The following CPPED1 variants were observed in gnomAD, a reference collection of about 807,000 sequenced individuals.
CPPED1 encodes the protein calcineurin like phosphoesterase domain containing 1.
A neutral mutation model predicts 28.0 loss-of-function variants in CPPED1; 28 were observed. The observed-to-expected ratio is 1.00, with a 90% CI of 0.74 to 1.37. The LOEUF (loss-of-function observed/expected upper bound fraction) is 1.37, where lower values mean the gene tolerates loss of function less well. Among genes scored for constraint, CPPED1 ranks in the 40% most tolerant of loss-of-function variants. The probability of loss-of-function intolerance (pLI) is 0.00; values close to 1 mark genes in which losing one functional copy is unlikely to be tolerated. For synonymous variants in CPPED1, 198 were observed against 180.2 expected (o/e 1.10, Z -0.79); for missense variants, 504 against 416.5 (o/e 1.21, Z -1.83).
chr16:12,720,906 T>C (rs1352477093), intron 2 of CPPED1, among the ~76,000 whole-genome samples: 5 of 152,194 alleles, frequency 3.3e-5, no homozygotes, highest in African/African-American at 1.2e-4. Flanking sequence ...TAAACTGTTT[T>C]GGCATGGGGG....
intron 3 of CPPED1, among the ~76,000 whole-genome samples, chr16:12,680,753 T>C (rs1431261377): frequency 1.3e-5 from 2 of 152,140 alleles, no homozygotes; most frequent in African/African-American, 4.8e-5. Context: ...GGGTGGGCTG[T>C]AGGGGCAATA....
intron 1 of CPPED1, among the ~76,000 whole-genome samples, chr16:12,792,100 C>T (rs371820155): frequency 3.3e-5 from 5 of 152,086 alleles, no homozygotes; most frequent in South Asian, 2.1e-4. Context: ...TACAGGAGTG[C>T]GCCACCACAC....
intron 3 of CPPED1, among the ~76,000 whole-genome samples, chr16:12,693,352 C>G (rs963457419): frequency 3.9e-4 from 59 of 152,120 alleles, no homozygotes; most frequent in African/African-American, 1.4e-3. Context: ...CACCACAATG[C>G]CTGGACTCAT....
intron 3 of CPPED1, among the ~76,000 whole-genome samples, chr16:12,690,138 G>A (rs917407271): frequency 6.6e-6 from 1 of 152,064 alleles, no homozygotes; most frequent in Non-Finnish European, 1.5e-5. Flanking sequence ...TAGATAATGA[G>A]CCCACCTGGG....
At chr16:12,749,909 T>C (rs908547026) in intron 2 of CPPED1, among the ~76,000 whole-genome samples, 1 of 152,152 alleles carries the variant, frequency 6.6e-6, no homozygotes, top group East Asian at 1.9e-4. Context: ...ATGTTCTTAA[T>C]GGCATCTAGA....
At chr16:12,705,230 G>A (rs28737289) in intron 2 of CPPED1, among the ~76,000 whole-genome samples, 181 bp from the exon 3 acceptor site, 1,922 of 152,316 alleles carry the variant, frequency 0.013, 48 homozygotes, top group African/African-American at 0.043. Context: ...TCCGACGGGG[G>A]CCTCTGCCCA....
chr16:12,696,729 C>T lies in CPPED1; in HGVS notation c.715+7895G>A, dbSNP rs555407807. ...AAGTGCTGGGATTACAGGTGTGAGC[C>T]GCTGCGCCTGGCCTGACTTGTCTTT... On this transcript the variant is annotated intron_variant, in intron 3 of 3. Transcript: ENST00000381774. 5.6e-4 allele frequency among the ~76,000 whole-genome samples: 85 copies of T among 152,086 alleles called. 1 individual carries two copies. The highest frequency in any genetic ancestry group is 8.7e-4 in the Non-Finnish European group (59 of 67,974).
rs1379700590 is a variant in CPPED1, at chr16:12,664,881, G to T, written c.*5C>A. 5.0e-6 allele frequency: 8 copies of T among 1,608,010 alleles called. No individual in the cohort carries two copies. Among genetic ancestry groups the T allele is most frequent in the Non-Finnish European group, 6.8e-6 (8 of 1,177,972 alleles). On this transcript the variant is annotated 3_prime_UTR_variant, in exon 4 of 4. Transcript: ENST00000381774. This position sits in a 1 kb window ranked among gnomAD's most constrained non-coding sequence, Gnocchi z 4.2. ...GTGAAAAGTGAACGGGAACGGGAAG[G>T]AGCGTCATTTTTTCTTGATCAAATC... is the stretch of plus-strand genomic sequence containing the variant.
intron 2 of CPPED1, among the ~76,000 whole-genome samples, chr16:12,725,922 T>C (rs1202171524): frequency 6.6e-6 from 1 of 152,196 alleles, no homozygotes; most frequent in East Asian, 1.9e-4. Flanking sequence ...TCAGCTACAG[T>C]GGCTCATGCC....
chr16:12,752,853 C>G (rs1245966180), intron 2 of CPPED1: 2 of 147,734 alleles, frequency 1.4e-5, no homozygotes, highest in Non-Finnish European at 3.0e-5. Flanking sequence ...GTATTATATA[C>G]TAGCTGTACT....
chr16:12,683,707 C>A (rs993695787), intron 3 of CPPED1, among the ~76,000 whole-genome samples: 1 of 152,120 alleles, frequency 6.6e-6, no homozygotes, highest in African/African-American at 2.4e-5. Context: ...ACACGCTTAC[C>A]CCCATCTCCT....
intron 2 of CPPED1, among the ~76,000 whole-genome samples, chr16:12,763,163 C>T (rs535634293): frequency 6.7e-6 from 1 of 149,984 alleles, no homozygotes; most frequent in Non-Finnish European, 1.5e-5. Flanking sequence ...ACCTGGGAGG[C>T]GGAGGGTGCA....
chr16:12,679,170 G>C (rs533395269), intron 3 of CPPED1, among the ~76,000 whole-genome samples: 1 of 152,182 alleles, frequency 6.6e-6, no homozygotes, highest in African/African-American at 2.4e-5. Flanking sequence ...CAGAACTTCT[G>C]AGTAACTGCT....
chr16:12,801,404 T>C (rs368290305), intron 1 of CPPED1, among the ~76,000 whole-genome samples: 3 of 151,890 alleles, frequency 2.0e-5, no homozygotes, highest in East Asian at 1.9e-4. Flanking sequence ...TCAACAAATA[T>C]ATAGGCGTGA....
At chr16:12,685,540 C>T (rs774379580) in intron 3 of CPPED1, among the ~76,000 whole-genome samples, 31 of 152,088 alleles carry the variant, frequency 2.0e-4, no homozygotes, top group Admixed American at 4.6e-4. Context: ...GCGTTTAAAC[C>T]CCTGGCACAC....
intron 2 of CPPED1, among the ~76,000 whole-genome samples, chr16:12,742,118 T>G (rs1040265199): frequency 2.0e-5 from 3 of 152,100 alleles, no homozygotes; most frequent in Middle Eastern, 6.3e-3. Context: ...AATAGATATA[T>G]TCTTACAAAT....
chr16:12,696,335 T>C (rs762471329), intron 3 of CPPED1, among the ~76,000 whole-genome samples: 3 of 152,072 alleles, frequency 2.0e-5, no homozygotes, highest in Non-Finnish European at 4.4e-5. Flanking sequence ...ATAAAGCACA[T>C]TTGCCTGCTG....
intron 3 of CPPED1, among the ~76,000 whole-genome samples, chr16:12,672,020 T>C (rs1396508267): frequency 1.3e-5 from 2 of 152,226 alleles, no homozygotes; most frequent in African/African-American, 2.4e-5. Context: ...CAGTATCCAG[T>C]ACAGTACCAT....
chr16:12,725,168 ACTGC>A (rs1473558564), intron 2 of CPPED1, among the ~76,000 whole-genome samples: 3 of 152,060 alleles, frequency 2.0e-5, no homozygotes, highest in South Asian at 2.1e-4. Flanking sequence ...ATCTCAGCTC[ACTGC>A]AGCATCTGCC....
Sources: gnomAD v4.1 joint callset for allele counts (sites outside exome capture counted in the v4.1 genomes callset) on GRCh38, gnomAD v4.1.1 for gene constraint, Gnocchi (gnomAD v3.1) non-coding constraint, MANE v1.5 for transcripts, NCBI Gene and HGNC (gene_info 2026-07-23, HGNC 2026-07-21) for gene names.